The following MYH3 variants were observed in gnomAD, a reference collection of about 807,000 sequenced individuals.
The protein encoded by MYH3 is myosin heavy chain 3.
MYH3 carries 130 observed loss-of-function variants against 238.0 expected under a neutral mutation model. The observed-to-expected ratio is 0.55, with a 90% CI of 0.47 to 0.63. The LOEUF (loss-of-function observed/expected upper bound fraction) is 0.63. Ranked by LOEUF, MYH3 falls within the 30% of genes least tolerant of loss-of-function variation. The pLI is 0.00. For synonymous variants in MYH3, 880 were observed against 924.1 expected (o/e 0.95, Z 0.86); for missense variants, 1,853 against 2,374.9 (o/e 0.78, Z 4.57).
chr17:10,631,210 C>A (rs2074153066), intron 36 of MYH3, among the ~76,000 whole-genome samples: 1 of 152,172 alleles, frequency 6.6e-6, no homozygotes, highest in African/African-American at 2.4e-5. Context: ...ACAACAAAAT[C>A]GCTTCGAGGT....
chr17:10,674,191 G>T, the MYH3 span: 3 of 157,842 alleles, frequency 1.9e-5, no homozygotes, highest in African/African-American at 7.2e-5. Context: ...AAGGCGGGTG[G>T]ATCACCTGAG....
chr17:10,651,131 G>A (rs1173793212), intron 5 of MYH3, among the ~76,000 whole-genome samples: 1 of 140,520 alleles, frequency 7.1e-6, no homozygotes, highest in African/African-American at 2.7e-5. Context: ...GTTGTGGTGA[G>A]CCGAGATCAC....
rs1327044875 is a variant in MYH3 at position 10,638,960 on chromosome 17, T to A, written c.3252A>T (p.Lys1084Asn). Residue 1084 changes from lysine (K) to asparagine (N), a missense_variant, in exon 26 of 41, where the codon AAA becomes AAT. Physicochemically the swap from Lys to Asn is moderately conservative, Grantham distance 94. Transcript: ENST00000583535. ...TTTGAAGTTGACAATATTCAAAATCTTTCCTGTGAAGAGAAATGTAGAATG... is the reference window on the plus strand; with the variant it reads ...TTTGAAGTTGACAATATTCAAAATCATTCCTGTGAAGAGAAATGTAGAATG... ...KQQLDERLKK[K>N]DFEYCQLQSK... is the part of the protein sequence containing the mutation. The A allele has an allele frequency of 1.9e-6, 3 of 1,614,048 alleles. No homozygotes were observed. The highest frequency in any genetic ancestry group is 1.7e-6 in the Non-Finnish European group (2 of 1,180,020).
At chr17:10,639,498 A>G (rs1027071221) in intron 23 of MYH3, 24 bp from the exon 24 acceptor site, 1 of 1,613,994 alleles carries the variant, frequency 6.2e-7, no homozygotes, top group African/African-American at 1.3e-5. Flanking sequence ...GCAAGCAATT[A>G]TAAGCTTAAA....
chr17:10,665,850 TA>T, the MYH3 span, among the ~76,000 whole-genome samples: 1 of 152,142 alleles, frequency 6.6e-6, no homozygotes, highest in African/African-American at 2.4e-5. Flanking sequence ...TGCCAGATAC[TA>T]AAACATACAC....
At position 10,637,919 on chromosome 17, in the gene MYH3, A is replaced by AT. The variant is rs749037948; in HGVS notation, c.3745dup (p.Ile1249AsnfsTer11). On this transcript the variant is annotated frameshift_variant, in exon 28 of 41. Coordinates refer to ENST00000583535, the MANE Select transcript of MYH3 (RefSeq NM_002470.4). LOFTEE classifies it high-confidence loss of function. ...TAACTGATCCTCCAGGGTTCGGCAG[A>AT]TTTTTTCCAGATTTGCCTGAAGGAT... 6.2e-7 allele frequency: 1 copy of AT among 1,613,972 alleles called. No individual in the cohort carries two copies. The highest frequency in any genetic ancestry group is 8.5e-7 in the Non-Finnish European group (1 of 1,179,996).
intron 33 of MYH3, 152 bp from the exon 34 acceptor site, chr17:10,632,936 G>A: frequency 2.2e-6 from 2 of 903,682 alleles, no homozygotes; most frequent in Non-Finnish European, 3.5e-6. Context: ...AATTGGCCGG[G>A]TGCAGTGGTT....
At position 10,650,496 on chromosome 17, in the gene MYH3, A is replaced by G. The variant is rs2142420706; in HGVS notation, c.506-95T>C. The G allele has an allele frequency of 9.7e-6, 11 of 1,131,506 alleles. No homozygotes were observed. The South Asian group carries it at 1.3e-4, about 13-fold the overall frequency. 70.1% of individuals were successfully genotyped at this position (1,131,506 alleles called of 1,614,324 possible). Reference sequence around the variant, plus strand: ...CAAGTAGCCAGAGTTAAATTGCACAATTCCTCTTCCTTTACATTTTTTGTT... The same window carrying G: ...CAAGTAGCCAGAGTTAAATTGCACAGTTCCTCTTCCTTTACATTTTTTGTT... On this transcript the variant is annotated intron_variant, in intron 5 of 40. Transcript: ENST00000583535.
intron 13 of MYH3, 29 bp from the exon 14 acceptor site, chr17:10,644,529 A>G: frequency 6.2e-7 from 1 of 1,614,048 alleles, no homozygotes; most frequent in Admixed American, 1.7e-5. Context: ...GCTACTGGAT[A>G]TGAAGGAAGT....
At chr17:10,630,744 C>G (rs768336798) in intron 36 of MYH3, among the ~76,000 whole-genome samples, 1 of 151,938 alleles carries the variant, frequency 6.6e-6, no homozygotes. Flanking sequence ...CCAGCTACTC[C>G]GGAGGCTGAG....
the MYH3 span, among the ~76,000 whole-genome samples, chr17:10,671,443 G>C: frequency 6.6e-6 from 1 of 152,052 alleles, no homozygotes; most frequent in Non-Finnish European, 1.5e-5. Context: ...TCCTCAATGG[G>C]TAACATCATT....
Position 10,637,804 on chromosome 17 carries a change from C to T in MYH3, c.3856+5G>A. On this transcript the variant is annotated splice_donor_5th_base_variant and intron_variant, in intron 28 of 40. Transcript: ENST00000583535. ...GGCCCCACGGGTTTTCTGCACGTGG[C>T]TTACCAGCCTCGGTCTGCAAACGAG... The T allele has an allele frequency of 6.2e-7, 1 of 1,614,052 alleles. No homozygotes were observed.
Position 10,655,083 on chromosome 17 carries a change from A to G in MYH3, c.-8-11T>C, listed in dbSNP as rs758900539. 2.5e-6 allele frequency: 4 copies of G among 1,612,090 alleles called. No individual in the cohort carries two copies. In the African/African-American group the frequency reaches 4.0e-5, roughly 16 times the overall value. On this transcript the variant is annotated splice_polypyrimidine_tract_variant and intron_variant, in intron 2 of 40. Coordinates refer to ENST00000583535, the MANE Select transcript of MYH3 (RefSeq NM_002470.4). ...TACTCATGGTGTCAGCTGGAAGGCA[A>G]ACCCACCCGGTGAGCTCAGCAGCCC...
rs201290589 is a variant in MYH3 at position 10,652,390 on chromosome 17, A to C, written c.348+30T>G. ...CCCCTGCCCGCATATCTAATGCCCC[A>C]GGGAAACCACGTCGAAAGCCCTCGC... On this transcript the variant is annotated intron_variant, in intron 4 of 40. Coordinates refer to ENST00000583535, the MANE Select transcript of MYH3 (RefSeq NM_002470.4). 1.1e-4 allele frequency: 174 copies of C among 1,612,776 alleles called. No individual in the cohort carries two copies. The African/African-American group carries it at 2.0e-3, about 19-fold the overall frequency.
chr17:10,634,299 G>T, intron 31 of MYH3, 117 bp from the exon 32 acceptor site: 1 of 1,203,340 alleles, frequency 8.3e-7, no homozygotes, highest in Non-Finnish European at 1.2e-6. Flanking sequence ...CACTTGCCTG[G>T]CTCCTTGTTG....
At chr17:10,657,046 G>C (rs188367490) in intron 1 of MYH3, among the ~76,000 whole-genome samples, 1 of 152,146 alleles carries the variant, frequency 6.6e-6, no homozygotes, top group Admixed American at 6.5e-5. Context: ...AGAGTGTGTG[G>C]AGGAGAGAGA....
At chr17:10,651,758 T>TC in intron 4 of MYH3, 90 bp from the exon 5 acceptor site, 3 of 1,498,650 alleles carry the variant, frequency 2.0e-6, no homozygotes, top group Non-Finnish European at 2.7e-6. Context: ...TTTTTTTTTT[T>TC]TTTTGAGACG....
upstream of MYH3, among the ~76,000 whole-genome samples, chr17:10,657,495 C>T (rs145970009): frequency 2.8e-4 from 43 of 152,284 alleles, no homozygotes; most frequent in Non-Finnish European, 5.6e-4. Context: ...CACCATTTTC[C>T]GACCGCAGAA....
intron 28 of MYH3, 49 bp downstream of exon 28, chr17:10,637,760 T>C (rs778394171): frequency 9.9e-6 from 16 of 1,612,732 alleles, no homozygotes; most frequent in East Asian, 4.5e-5. Flanking sequence ...GCTACGCCCA[T>C]TGGGTGCCAG....
Sources: allele counts gnomAD v4.1 joint callset (sites outside exome capture counted in the v4.1 genomes callset), GRCh38; gene constraint gnomAD v4.1.1; transcripts MANE v1.5; gene names NCBI Gene and HGNC (gene_info 2026-07-23, HGNC 2026-07-21).